LUZP2: variants seen among roughly 807,000 people sequenced by gnomAD.
The protein encoded by LUZP2 is leucine zipper protein 2.
In LUZP2, 52 loss-of-function variants were observed where a neutral mutation model predicts 51.6. The ratio of observed to expected loss-of-function variants is 1.01; its 90% CI spans 0.81 to 1.27. LUZP2 has a LOEUF of 1.27. Among genes scored for constraint, LUZP2 ranks in the 50% most tolerant of loss-of-function variants. The probability of loss-of-function intolerance (pLI) is 0.00; values close to 1 mark genes in which losing one functional copy is unlikely to be tolerated. For missense variants in LUZP2, 436 were observed against 395.4 expected (o/e 1.10, Z -0.87); for synonymous variants, 154 against 137.3 (o/e 1.12, Z -0.85).
intron 9 of LUZP2, among the ~76,000 whole-genome samples, chr11:25,020,289 T>G (rs1051459929): frequency 1.3e-5 from 2 of 152,098 alleles, no homozygotes; most frequent in Non-Finnish European, 2.9e-5. Flanking sequence ...GACCTCTTTT[T>G]TTAATAAGAA....
At chr11:24,970,891 G>A (rs932099821) in intron 7 of LUZP2, among the ~76,000 whole-genome samples, 3 of 152,066 alleles carry the variant, frequency 2.0e-5, no homozygotes, top group Non-Finnish European at 4.4e-5. Context: ...CTACATTTTT[G>A]TAATTGTTAA....
At chr11:24,614,930 G>A (rs1479633948) in intron 1 of LUZP2, among the ~76,000 whole-genome samples, 1 of 151,760 alleles carries the variant, frequency 6.6e-6, no homozygotes, top group Non-Finnish European at 1.5e-5. Context: ...AGTGTTAATG[G>A]AATATAATCT....
chr11:24,541,590 G>A (rs950428632), intron 1 of LUZP2, among the ~76,000 whole-genome samples: 7 of 152,098 alleles, frequency 4.6e-5, no homozygotes, highest in African/African-American at 1.7e-4. Context: ...CTCAGCTTGA[G>A]ATTTCCACAT....
At chr11:24,741,901 AT>A (rs1565110834) in intron 4 of LUZP2, among the ~76,000 whole-genome samples, 1 of 136,846 alleles carries the variant, frequency 7.3e-6, no homozygotes, top group Non-Finnish European at 1.5e-5. Flanking sequence ...ATACATATAT[AT>A]TTCTATATAA....
chr11:24,911,115 C>G (rs891915683), intron 6 of LUZP2, among the ~76,000 whole-genome samples: 2 of 152,138 alleles, frequency 1.3e-5, no homozygotes, highest in African/African-American at 4.8e-5. Flanking sequence ...TGGCCAATTT[C>G]TTCATTTGGA....
chr11:24,614,236 C>G (rs1024164700), intron 1 of LUZP2, among the ~76,000 whole-genome samples: 1 of 151,920 alleles, frequency 6.6e-6, no homozygotes, highest in Non-Finnish European at 1.5e-5. Context: ...ACCATCCAGT[C>G]CATTCCATTT....
Position 24,688,901 on chromosome 11 carries a change from A to C in LUZP2, c.63-40268A>C, listed in dbSNP as rs567185311. On this transcript the variant is annotated intron_variant, in intron 1 of 11. Coordinates refer to ENST00000336930, the MANE Select transcript of LUZP2 (RefSeq NM_001009909.4). ...CAAATCTAACCCATCTCCCAGCTAG[A>C]AGATCTAGTTAAAGATCTCAGCCCT... 2.6e-5 allele frequency among the ~76,000 whole-genome samples: 4 copies of C among 152,198 alleles called. No individual in the cohort carries two copies. In the South Asian group the frequency reaches 8.3e-4, roughly 32 times the overall value.
intron 7 of LUZP2, among the ~76,000 whole-genome samples, chr11:24,920,219 G>C (rs531968807): frequency 9.9e-5 from 15 of 151,882 alleles, no homozygotes; most frequent in Admixed American, 2.6e-4. Flanking sequence ...GATTGTGTTT[G>C]TTGTTTATTG....
chr11:25,052,275 C>A (rs895366315), intron 10 of LUZP2, among the ~76,000 whole-genome samples: 6 of 152,116 alleles, frequency 3.9e-5, no homozygotes, highest in African/African-American at 1.4e-4. Flanking sequence ...CATGCATGAA[C>A]ATCAGTTTTC....
intron 5 of LUZP2, among the ~76,000 whole-genome samples, chr11:24,883,735 C>G (rs572895965): frequency 6.6e-6 from 1 of 151,998 alleles, no homozygotes; most frequent in African/African-American, 2.4e-5. Flanking sequence ...TTGAATGAAA[C>G]AGTTTTTAAA....
intron 1 of LUZP2, among the ~76,000 whole-genome samples, chr11:24,686,163 A>C (rs1856891248): frequency 1.3e-5 from 2 of 151,954 alleles, no homozygotes; most frequent in African/African-American, 4.8e-5. Flanking sequence ...GTGAATGGAT[A>C]TCTTATAAGG....
chr11:24,503,298 C>A (rs1311089289), intron 1 of LUZP2, among the ~76,000 whole-genome samples: 2 of 152,186 alleles, frequency 1.3e-5, no homozygotes, highest in South Asian at 2.1e-4. Flanking sequence ...ACAATGACAT[C>A]TATGAACTGA....
intron 5 of LUZP2, among the ~76,000 whole-genome samples, chr11:24,836,218 T>A (rs1412740632): frequency 1.3e-5 from 2 of 151,820 alleles, no homozygotes; most frequent in Non-Finnish European, 2.9e-5. Context: ...GTGAGAAAAA[T>A]TCATACATAA....
intron 5 of LUZP2, among the ~76,000 whole-genome samples, chr11:24,820,374 T>C (rs998787212): frequency 6.6e-6 from 1 of 152,090 alleles, no homozygotes; most frequent in South Asian, 2.1e-4. Flanking sequence ...TGTGGATGTG[T>C]ATGGTGGGGA....
intron 5 of LUZP2, among the ~76,000 whole-genome samples, chr11:24,884,011 A>G (rs1258077734): frequency 2.6e-5 from 4 of 152,042 alleles, no homozygotes; most frequent in Non-Finnish European, 5.9e-5. Flanking sequence ...AGAATTGCAA[A>G]GAGAGGGTGG....
intron 9 of LUZP2, among the ~76,000 whole-genome samples, chr11:25,014,339 T>A (rs1263008447): frequency 6.6e-6 from 1 of 152,222 alleles, no homozygotes; most frequent in African/African-American, 2.4e-5. Context: ...TCTTCCACAA[T>A]GGCTGAACTA....
chr11:24,558,121 TCTC>T (rs1174415559), intron 1 of LUZP2, among the ~76,000 whole-genome samples: 2 of 152,196 alleles, frequency 1.3e-5, no homozygotes, highest in African/African-American at 4.8e-5. Context: ...GGACCATCCT[TCTC>T]CTGCTCTTGG....
chr11:25,032,013 G>A (rs747492344), intron 9 of LUZP2, among the ~76,000 whole-genome samples: 9 of 152,208 alleles, frequency 5.9e-5, no homozygotes, highest in Non-Finnish European at 1.3e-4. Context: ...ATTGGACAGG[G>A]AGGGCAAAAG....
intron 9 of LUZP2, among the ~76,000 whole-genome samples, chr11:24,986,547 GT>G (rs1182766055): frequency 2.7e-5 from 4 of 150,710 alleles, no homozygotes; most frequent in Non-Finnish European, 5.9e-5. Flanking sequence ...CTGTGTGTGT[GT>G]GTGTGTGTGT....
Sources: allele counts gnomAD v4.1 joint callset (sites outside exome capture counted in the v4.1 genomes callset), GRCh38; gene constraint gnomAD v4.1.1; transcripts MANE v1.5; gene names NCBI Gene and HGNC (gene_info 2026-07-23, HGNC 2026-07-21).